ZNF385D: variants seen among roughly 807,000 people sequenced by gnomAD.
ZNF385D encodes zinc finger protein 385D.
ZNF385D carries 15 observed loss-of-function variants against 35.8 expected under a neutral mutation model. The observed-to-expected ratio is 0.42, with a 90% CI of 0.28 to 0.64. ZNF385D has a LOEUF of 0.64. Among genes scored for constraint, ZNF385D ranks in the 30% least tolerant of loss-of-function variants. The pLI, the probability that ZNF385D is intolerant of heterozygous loss-of-function variation, is 0.23. For missense variants in ZNF385D, 474 were observed against 494.6 expected, an observed-to-expected ratio of 0.96 and a Z score of 0.39; for synonymous variants, 212 against 186.8, an observed-to-expected ratio of 1.13 and a Z score of -1.10.
At chr3:21,528,661 T>A (rs1047277613) in intron 3 of ZNF385D, among the ~76,000 whole-genome samples, 1 of 152,176 alleles carries the variant, frequency 6.6e-6, no homozygotes, top group African/African-American at 2.4e-5. Flanking sequence ...ATTTTGGATA[T>A]TACATGAGCA....
At chr3:21,939,723 T>C (rs1701425636) in intron 3 of ZNF385D, among the ~76,000 whole-genome samples, 1 of 152,216 alleles carries the variant, frequency 6.6e-6, no homozygotes, top group Non-Finnish European at 1.5e-5. Flanking sequence ...CATGAGATTA[T>C]ATCAAGGCTT....
chr3:22,342,625 A>T (rs943757643), intron 2 of ZNF385D, among the ~76,000 whole-genome samples: 1 of 152,204 alleles, frequency 6.6e-6, no homozygotes, highest in Non-Finnish European at 1.5e-5. Flanking sequence ...TGCAACAGAC[A>T]GTTACTGGAG....
intron 2 of ZNF385D, among the ~76,000 whole-genome samples, chr3:22,295,131 T>C (rs1702501958): frequency 6.6e-6 from 1 of 152,160 alleles, no homozygotes; most frequent in Admixed American, 6.6e-5. Context: ...AATAACTTGT[T>C]TGGAATTATA....
Position 22,130,423 on chromosome 3 carries a change from AC to A in ZNF385D, c.325+38393del, listed in dbSNP as rs1703708701. 2.0e-5 allele frequency among the ~76,000 whole-genome samples: 3 copies of A among 151,876 alleles called. No individual in the cohort carries two copies. The South Asian group carries it at 6.2e-4, about 32-fold the overall frequency. ...GACTGCCTTTCAAGTTTATTTAGAA[AC>A]CCATTGTGCTTTAGCCCACTGTGAT... On this transcript the variant is annotated intron_variant, in intron 3 of 5. Transcript: ENST00000494108.
intron 3 of ZNF385D, among the ~76,000 whole-genome samples, chr3:21,920,429 C>T (rs893062155): frequency 6.6e-6 from 1 of 151,956 alleles, no homozygotes; most frequent in Non-Finnish European, 1.5e-5. Flanking sequence ...TTATTTGTTG[C>T]ACTTAATGTA....
intron 3 of ZNF385D, among the ~76,000 whole-genome samples, chr3:22,002,102 C>G (rs1188735636): frequency 1.6e-5 from 2 of 125,232 alleles, no homozygotes; most frequent in African/African-American, 3.7e-5. Context: ...TAGAGCAGAA[C>G]TAAACAAAAT....
At chr3:22,025,077 G>C (rs1335335809) in intron 3 of ZNF385D, among the ~76,000 whole-genome samples, 2 of 152,128 alleles carry the variant, frequency 1.3e-5, no homozygotes, top group Non-Finnish European at 2.9e-5. Flanking sequence ...ACTTGGAATG[G>C]GGACATGTGG....
intron 3 of ZNF385D, among the ~76,000 whole-genome samples, chr3:22,116,439 G>C (rs1160203747): frequency 6.6e-6 from 1 of 151,920 alleles, no homozygotes; most frequent in African/African-American, 2.4e-5. Flanking sequence ...AATGCATTCT[G>C]TAACATTCTC....
chr3:21,716,532 T>C (rs953097325), intron 1 of ZNF385D, among the ~76,000 whole-genome samples: 98 of 152,236 alleles, frequency 6.4e-4, no homozygotes, highest in African/African-American at 2.4e-3. Flanking sequence ...ACAATGACTA[T>C]GAATAACCTG....
At chr3:21,727,114 G>C (rs2068797324) in intron 1 of ZNF385D, among the ~76,000 whole-genome samples, 1 of 152,178 alleles carries the variant, frequency 6.6e-6, no homozygotes, top group Admixed American at 6.5e-5. Context: ...AAACTGGCTA[G>C]CTATATGCAG....
At chr3:21,963,743 TTA>T (rs1304659529) in intron 3 of ZNF385D, among the ~76,000 whole-genome samples, 2 of 152,172 alleles carry the variant, frequency 1.3e-5, no homozygotes, top group Admixed American at 1.3e-4. Context: ...AATAATAACT[TTA>T]TGTTTTTCTT....
intron 3 of ZNF385D, among the ~76,000 whole-genome samples, chr3:21,772,328 T>C (rs1287814293): frequency 2.0e-5 from 3 of 151,836 alleles, no homozygotes; most frequent in Non-Finnish European, 4.4e-5. Context: ...AAATCAAGTA[T>C]CTGATAACAG....
intron 3 of ZNF385D, among the ~76,000 whole-genome samples, chr3:22,037,725 T>C (rs1323834739): frequency 6.6e-6 from 1 of 152,174 alleles, no homozygotes; most frequent in Non-Finnish European, 1.5e-5. Flanking sequence ...AGATCCCATT[T>C]GTCAATTTTG....
At chr3:21,484,872 A>C (rs1479270742) in intron 4 of ZNF385D, among the ~76,000 whole-genome samples, 4 of 152,168 alleles carry the variant, frequency 2.6e-5, no homozygotes, top group Non-Finnish European at 5.9e-5. Context: ...TGGTACTTCT[A>C]GCTTGCAGAC....
chr3:22,290,152 GA>G (rs1262204202), intron 2 of ZNF385D, among the ~76,000 whole-genome samples: 1 of 152,094 alleles, frequency 6.6e-6, no homozygotes, highest in Non-Finnish European at 1.5e-5. Context: ...AAATTGTGAG[GA>G]AACTTAGAGT....
chr3:21,428,023 C>T (rs542236201), intron 5 of ZNF385D, among the ~76,000 whole-genome samples: 1 of 152,062 alleles, frequency 6.6e-6, no homozygotes, highest in Non-Finnish European at 1.5e-5. Flanking sequence ...TAACCTCATA[C>T]ATTTAGTAAG....
intron 3 of ZNF385D, among the ~76,000 whole-genome samples, chr3:21,960,487 G>A (rs1702529233): frequency 6.6e-6 from 1 of 152,008 alleles, no homozygotes; most frequent in South Asian, 2.1e-4. Flanking sequence ...CACTGTTGGT[G>A]GAAATGTAAT....
At chr3:22,035,520 A>AT (rs1380245809) in intron 3 of ZNF385D, among the ~76,000 whole-genome samples, 1 of 152,314 alleles carries the variant, frequency 6.6e-6, no homozygotes, top group African/African-American at 2.4e-5. Context: ...TAGTTTTAAA[A>AT]TTGGTTTGTT....
chr3:22,172,178 T>C (rs1201638144), intron 2 of ZNF385D, among the ~76,000 whole-genome samples: 2 of 152,222 alleles, frequency 1.3e-5, no homozygotes, highest in Non-Finnish European at 2.9e-5. Flanking sequence ...TGGAAAGATG[T>C]CTGGCTTAAT....
Sources: gnomAD v4.1 joint callset for allele counts (sites outside exome capture counted in the v4.1 genomes callset) on GRCh38, gnomAD v4.1.1 for gene constraint, MANE v1.5 for transcripts, NCBI Gene and HGNC (gene_info 2026-07-23, HGNC 2026-07-21) for gene names.